The following CABLES1 variants were observed in gnomAD, a reference collection of about 807,000 sequenced individuals.
The protein encoded by CABLES1 is Cdk5 and Abl enzyme substrate 1.
Under a neutral mutation model 57.8 loss-of-function variants are expected in CABLES1, and 36 were observed. That is an observed-to-expected ratio of 0.62 (90% CI 0.48 to 0.82). The LOEUF (loss-of-function observed/expected upper bound fraction) is 0.82. Among genes scored for constraint, CABLES1 ranks in the 40% least tolerant of loss-of-function variants. CABLES1 has a pLI of 0.00. For synonymous variants in CABLES1, 374 were observed against 363.0 expected, an observed-to-expected ratio of 1.03 and a Z score of -0.35; for missense variants, 767 against 836.6, an observed-to-expected ratio of 0.92 and a Z score of 1.03.
intron 4 of CABLES1, among the ~76,000 whole-genome samples, chr18:23,230,041 T>G (rs569654101): frequency 6.6e-6 from 1 of 152,334 alleles, no homozygotes; most frequent in Admixed American, 6.5e-5. Flanking sequence ...AAAGATGTAT[T>G]TTTTAGATCC....
Position 23,136,230 on chromosome 18 carries a change from C to G in CABLES1, c.468C>G (p.Thr156=). ...LPPLIPGGHA[T]VSGPGVARGF... ...CCTTGATTCCTGGCGGCCATGCGAC[C>G]GTGTCCGGCCCCGGGGTGGCGCGGG... Residue 156 remains threonine, a synonymous_variant, in exon 1 of 10, where the codon ACC becomes ACG. Coordinates refer to ENST00000256925, the MANE Select transcript of CABLES1 (RefSeq NM_001100619.3). The G allele has an allele frequency of 7.8e-7, 1 of 1,276,006 alleles. No individual in the cohort carries two copies. Among genetic ancestry groups the G allele is most frequent in the Non-Finnish European group, 9.8e-7 (1 of 1,015,438 alleles). The allele number at this position is 1,276,006 out of a possible 1,614,324, so 79.0% of individuals were successfully genotyped here. A position where few individuals can be genotyped will look rare whatever the true frequency, so the allele number is the denominator to read the frequency against.
Position 23,238,718 on chromosome 18 carries a change from T to C in CABLES1, c.1446+1473T>C, listed in dbSNP as rs571065425. Among the ~76,000 whole-genome samples the C allele has an allele frequency of 2.0e-5, 3 of 152,366 alleles. No homozygotes were observed. The South Asian group carries it at 6.2e-4, about 32-fold the overall frequency. ...ACTTATTAAAATTCACTTTATTTAT[T>C]AAGCAACATGGCCAGGAAACTGGCT... On this transcript the variant is annotated intron_variant, in intron 7 of 9. Coordinates refer to ENST00000256925, the MANE Select transcript of CABLES1 (RefSeq NM_001100619.3).
intron 1 of CABLES1, among the ~76,000 whole-genome samples, chr18:23,186,117 T>C (rs1027394781): frequency 2.3e-4 from 35 of 152,190 alleles, no homozygotes; most frequent in African/African-American, 8.0e-4. Context: ...GTACGCATCT[T>C]GGGTGGGCTC....
At chr18:23,160,454 A>G (rs1568047815) in intron 1 of CABLES1, among the ~76,000 whole-genome samples, 1 of 152,156 alleles carries the variant, frequency 6.6e-6, no homozygotes, top group East Asian at 1.9e-4. Context: ...TGCCGGGCAC[A>G]TGGTATACAG....
intron 4 of CABLES1, among the ~76,000 whole-genome samples, chr18:23,224,194 A>G (rs2145067726): frequency 6.6e-6 from 1 of 151,770 alleles, no homozygotes; most frequent in Non-Finnish European, 1.5e-5. Context: ...TAAAACAGCT[A>G]AACAGAGAGC....
intron 3 of CABLES1, among the ~76,000 whole-genome samples, chr18:23,210,323 T>C (rs2047395792): frequency 6.6e-6 from 1 of 152,156 alleles, no homozygotes; most frequent in South Asian, 2.1e-4. Flanking sequence ...GTGGGGGAAA[T>C]GATTTGGGCT....
intron 3 of CABLES1, among the ~76,000 whole-genome samples, 196 bp downstream of exon 3, chr18:23,194,736 T>C (rs1455903949): frequency 6.6e-6 from 1 of 152,176 alleles, no homozygotes; most frequent in Non-Finnish European, 1.5e-5. Flanking sequence ...TAGAGAATAA[T>C]GAATGCTCTC....
In CABLES1 at chr18:23,139,403, CAAAAA is replaced by C. The variant is rs61297552; in HGVS notation, c.845+2813_845+2817del. Among the ~76,000 whole-genome samples the C allele has an allele frequency of 3.6e-5, 4 of 111,146 alleles. No homozygotes were observed. In the East Asian group the frequency reaches 7.6e-4, roughly 21 times the overall value. 72.9% of individuals were successfully genotyped at this position (111,146 alleles called of 152,430 possible). A position where few individuals can be genotyped will look rare whatever the true frequency, so the allele number is the denominator to read the frequency against. ...GGGCAACAAGAGTGAAACTCCATCT[CAAAAA>C]AAAAAAAAAAAAAAAATTAGAATGT... On this transcript the variant is annotated intron_variant, in intron 1 of 9. Transcript: ENST00000256925.
At chr18:23,138,847 C>A (rs993849580) in intron 1 of CABLES1, among the ~76,000 whole-genome samples, 1 of 152,140 alleles carries the variant, frequency 6.6e-6, no homozygotes, top group African/African-American at 2.4e-5. Flanking sequence ...TCATTTCTTG[C>A]CATTAGTGGA....
In CABLES1 at chr18:23,202,326, G is replaced by C. The variant is rs114009291; in HGVS notation, c.1010+7786G>C. 4.9e-3 allele frequency among the ~76,000 whole-genome samples: 753 copies of C among 152,322 alleles called. 9 individuals are homozygous for C. Among genetic ancestry groups the C allele is most frequent in the African/African-American group, 0.017 (719 of 41,578 alleles). On this transcript the variant is annotated intron_variant, in intron 3 of 9. Transcript: ENST00000256925. ...GATATGAAGTTCAAAAGCAACTCAA[G>C]ATCTTTTTGAAAAGCTGGTCACAAA...
intron 1 of CABLES1, among the ~76,000 whole-genome samples, chr18:23,158,465 G>A (rs1292894076): frequency 6.6e-6 from 1 of 152,180 alleles, no homozygotes; most frequent in Non-Finnish European, 1.5e-5. Context: ...TGCATGTTGA[G>A]GCCATCAGTG....
chr18:23,251,697 A>G (rs76926323), intron 7 of CABLES1, among the ~76,000 whole-genome samples: 117 of 152,350 alleles, frequency 7.7e-4, no homozygotes, highest in Non-Finnish European at 1.2e-3. Context: ...TCAAGTTTCC[A>G]AAGACTTACT....
intron 7 of CABLES1, among the ~76,000 whole-genome samples, chr18:23,247,618 A>G (rs1468657624): frequency 1.3e-5 from 2 of 152,202 alleles, no homozygotes; most frequent in African/African-American, 4.8e-5. Context: ...GAGCAAACGG[A>G]GGCACAGAGC....
chr18:23,172,908 T>C (rs1201549262), intron 1 of CABLES1, among the ~76,000 whole-genome samples: 1 of 152,236 alleles, frequency 6.6e-6, no homozygotes, highest in Non-Finnish European at 1.5e-5. Flanking sequence ...ATTGGGGTAT[T>C]GTCTTCCCGT....
chr18:23,177,418 T>TACACACACACACACAC (rs10692529), intron 1 of CABLES1, among the ~76,000 whole-genome samples: 81 of 144,736 alleles, frequency 5.6e-4, no homozygotes, highest in Middle Eastern at 3.5e-3. Flanking sequence ...AGCACATGTG[T>TACACACACACACACAC]ACACACACAC....
At chr18:23,202,906 G>A (rs2047335826) in intron 3 of CABLES1, among the ~76,000 whole-genome samples, 1 of 151,094 alleles carries the variant, frequency 6.6e-6, no homozygotes, top group South Asian at 2.1e-4. Context: ...AGAATGGCGT[G>A]AACCCGGGAG....
At chr18:23,147,958 G>A (rs1486751647) in intron 1 of CABLES1, among the ~76,000 whole-genome samples, 3 of 147,928 alleles carry the variant, frequency 2.0e-5, no homozygotes, top group African/African-American at 7.5e-5. Flanking sequence ...TCCATGGTCT[G>A]CGTGCTGCCT....
At chr18:23,237,279 C>A in intron 7 of CABLES1, 34 bp downstream of exon 7, 1 of 1,425,736 alleles carries the variant, frequency 7.0e-7, no homozygotes, top group Non-Finnish European at 9.9e-7. Context: ...CCGTTTGCTG[C>A]ACCGTCAGTT....
intron 2 of CABLES1, among the ~76,000 whole-genome samples, chr18:23,193,875 A>G (rs2047263325): frequency 1.3e-5 from 2 of 152,000 alleles, no homozygotes; most frequent in East Asian, 1.9e-4. Flanking sequence ...TATCTTAAAA[A>G]CAAAACAAAA....
Sources: allele counts gnomAD v4.1 joint callset (sites outside exome capture counted in the v4.1 genomes callset), GRCh38; gene constraint gnomAD v4.1.1; transcripts MANE v1.5; gene names NCBI Gene and HGNC (gene_info 2026-07-23, HGNC 2026-07-21).